Variants in PPP1R12B observed in about 807,000 individuals in gnomAD.
PPP1R12B encodes the protein protein phosphatase 1 regulatory subunit 12B.
PPP1R12B carries 76 observed loss-of-function variants against 126.1 expected under a neutral mutation model. That is an observed-to-expected ratio of 0.60 (90% confidence interval 0.50 to 0.73). The LOEUF is 0.73. Among genes scored for constraint, PPP1R12B ranks in the 30% least tolerant of loss-of-function variants. PPP1R12B has a pLI of 0.00. For synonymous variants in PPP1R12B, 356 were observed against 434.7 expected, an observed-to-expected ratio of 0.82 and a Z score of 2.25; for missense variants, 1,052 against 1,205.1, an observed-to-expected ratio of 0.87 and a Z score of 1.88.
At chr1:202,567,669 G>A (rs541319804) in intron 21 of PPP1R12B, 109 bp from the exon 22 acceptor site, 1 of 1,228,616 alleles carries the variant, frequency 8.1e-7, no homozygotes, top group South Asian at 1.3e-5. Context: ...GAAGTCCAAA[G>A]TTTTACTGTT....
intron 19 of PPP1R12B, among the ~76,000 whole-genome samples, chr1:202,560,713 A>G (rs1687427987): frequency 2.6e-5 from 4 of 152,208 alleles, no homozygotes; most frequent in Admixed American, 2.0e-4. Flanking sequence ...AATGCAGCCC[A>G]GTAGGTCTCA....
At chr1:202,412,501 A>G (rs1030259565) in intron 1 of PPP1R12B, among the ~76,000 whole-genome samples, 2 of 152,216 alleles carry the variant, frequency 1.3e-5, no homozygotes, top group African/African-American at 4.8e-5. Context: ...TTGTCTTTAA[A>G]GGCCAAAGAA....
rs752499809 is a variant in PPP1R12B, at chr1:202,588,837, A to AGAT, written c.*8278_*8280dup. 1.5e-5 allele frequency: 2 copies of AGAT among 136,358 alleles called. No homozygotes were observed. The highest frequency in any genetic ancestry group is 3.2e-5 in the African/African-American group (1 of 30,960). The allele number at this position is 136,358 out of a possible 1,614,324, so 8.4% of individuals were successfully genotyped here. On this transcript the variant is annotated 3_prime_UTR_variant, in exon 24 of 24. Coordinates refer to ENST00000608999, the MANE Select transcript of PPP1R12B (RefSeq NM_002481.4). Reference sequence around the variant, plus strand: ...CAAAAGAACCGTAAGATAGATAGATAGATAGATAGATAGATAGATAGATAG... The same window carrying AGAT: ...CAAAAGAACCGTAAGATAGATAGATAGATGATAGATAGATAGATAGATAGATAG...
intron 8 of PPP1R12B, 57 bp downstream of exon 8, chr1:202,431,676 C>G (rs1670201659): frequency 2.2e-5 from 33 of 1,501,900 alleles, no homozygotes; most frequent in Non-Finnish European, 2.9e-5. Flanking sequence ...AAGAAGATTA[C>G]TCCTTGTCAG....
In PPP1R12B at chr1:202,588,949, G is replaced by GTGTT. The variant is rs1351740689; in HGVS notation, c.*8390_*8393dup. Reference sequence around the variant, plus strand: ...AAGACACCAGGTTTAAGTGACAAAGGTGTTGAGGCCATCCAGGTGAACACT... The same window carrying GTGTT: ...AAGACACCAGGTTTAAGTGACAAAGGTGTTTGTTGAGGCCATCCAGGTGAACACT... On this transcript the variant is annotated 3_prime_UTR_variant, in exon 24 of 24. Transcript: ENST00000608999. The GTGTT allele has an allele frequency of 6.6e-6, 1 of 152,114 alleles. No homozygotes were observed. Among genetic ancestry groups the GTGTT allele is most frequent in the East Asian group, 1.9e-4 (1 of 5,194 alleles). The allele number at this position is 152,114 out of a possible 1,614,324, so 9.4% of individuals were successfully genotyped here. A position where few individuals can be genotyped will look rare whatever the true frequency, so the allele number is the denominator to read the frequency against.
At chr1:202,548,808 C>CTCTCTCTATATA (rs1218548068) in intron 18 of PPP1R12B, among the ~76,000 whole-genome samples, 18 of 72,962 alleles carry the variant, frequency 2.5e-4, no homozygotes, top group Non-Finnish European at 4.7e-4. Flanking sequence ...CTCTCTCTCT[C>CTCTCTCTATATA]TATATATATA....
intron 12 of PPP1R12B, among the ~76,000 whole-genome samples, chr1:202,444,859 T>A (rs1572055963): frequency 6.6e-6 from 1 of 152,232 alleles, no homozygotes; most frequent in Non-Finnish European, 1.5e-5. Flanking sequence ...TTCATTCTTT[T>A]GGATGATTGC....
In PPP1R12B at chr1:202,438,360, T is replaced by C. The variant is rs556635739; in HGVS notation, c.1458+336T>C. ...GGCACAGGACCCCAGGTAGGGGTCC[T>C]GGATCCAGAGGGCCAATTCCCGTCC... is the stretch of plus-strand genomic sequence containing the variant. On this transcript the variant is annotated intron_variant, in intron 10 of 23. Transcript: ENST00000608999. 2.0e-5 allele frequency: 19 copies of C among 930,198 alleles called. No homozygotes were observed. In the East Asian group the frequency reaches 5.9e-4, roughly 29 times the overall value. 57.6% of individuals were successfully genotyped at this position (930,198 alleles called of 1,614,324 possible).
At chr1:202,353,838 C>T (rs1417875763) in intron 1 of PPP1R12B, among the ~76,000 whole-genome samples, 2 of 151,994 alleles carry the variant, frequency 1.3e-5, no homozygotes, top group South Asian at 2.1e-4. Context: ...ATCTTGAACT[C>T]CTGGGCTAAA....
chr1:202,385,089 CA>C, intron 1 of PPP1R12B, among the ~76,000 whole-genome samples: 1 of 152,140 alleles, frequency 6.6e-6, no homozygotes, highest in East Asian at 1.9e-4. Flanking sequence ...TGATGAGCTG[CA>C]AAATATCAAG....
chr1:202,560,529 G>C (rs549692653), intron 19 of PPP1R12B, among the ~76,000 whole-genome samples: 16 of 152,186 alleles, frequency 1.1e-4, no homozygotes, highest in Non-Finnish European at 1.9e-4. Context: ...TTATGGTGTT[G>C]GTGGGAGTGT....
chr1:202,500,518 A>G (rs1160075699), intron 18 of PPP1R12B, among the ~76,000 whole-genome samples: 1 of 152,216 alleles, frequency 6.6e-6, no homozygotes, highest in African/African-American at 2.4e-5. Context: ...GTTCTCTCTC[A>G]TATGTAGGAT....
At chr1:202,449,273 AAT>A in intron 13 of PPP1R12B, 102 bp downstream of exon 13, 4 of 1,460,586 alleles carry the variant, frequency 2.7e-6, no homozygotes, top group African/African-American at 1.4e-5. Flanking sequence ...CGTTTATGAA[AAT>A]ATGTCTTTTT....
chr1:202,514,088 C>A lies in PPP1R12B; in HGVS notation c.2490+17266C>A, dbSNP rs576878557. On this transcript the variant is annotated intron_variant, in intron 18 of 23. Coordinates refer to ENST00000608999, the MANE Select transcript of PPP1R12B (RefSeq NM_002481.4). ...TTTGTTTTGTTTTGTTTTGTTTTTT[C>A]TTTTCTTTTCTTTTTTTAACTTTTT... Among the ~76,000 whole-genome samples the A allele has an allele frequency of 9.3e-5, 14 of 150,676 alleles. No individual in the cohort carries two copies. The East Asian group carries it at 2.7e-3, about 29-fold the overall frequency.
At chr1:202,557,563 A>G (rs1687084710) in intron 18 of PPP1R12B, among the ~76,000 whole-genome samples, 1 of 152,176 alleles carries the variant, frequency 6.6e-6, no homozygotes, top group Non-Finnish European at 1.5e-5. Context: ...CCCCCACCTC[A>G]AATGGGGGCA....
At chr1:202,354,918 C>T (rs991904793) in intron 1 of PPP1R12B, among the ~76,000 whole-genome samples, 2 of 151,768 alleles carry the variant, frequency 1.3e-5, no homozygotes, top group South Asian at 4.2e-4. Flanking sequence ...CTCTGCCTCC[C>T]GGGTTCACGC....
intron 18 of PPP1R12B, among the ~76,000 whole-genome samples, chr1:202,513,114 T>C (rs994486498): frequency 1.3e-5 from 2 of 152,142 alleles, no homozygotes; most frequent in African/African-American, 4.8e-5. Context: ...GCTGGGATTA[T>C]AGTCGTGAGC....
intron 13 of PPP1R12B, among the ~76,000 whole-genome samples, chr1:202,460,149 A>G (rs1258180823): frequency 1.3e-5 from 2 of 152,006 alleles, no homozygotes; most frequent in African/African-American, 2.4e-5. Context: ...CTCTCACCCA[A>G]CCCTGAATTT....
At chr1:202,434,619 TAC>T (rs763490717) in intron 8 of PPP1R12B, 35 bp from the exon 9 acceptor site, 2 of 1,589,328 alleles carry the variant, frequency 1.3e-6, no homozygotes, top group Admixed American at 3.9e-5. Flanking sequence ...AAGATTTTTA[TAC>T]TAGTACTTGT....
Sources: gnomAD v4.1 joint callset for allele counts (sites outside exome capture counted in the v4.1 genomes callset) on GRCh38, gnomAD v4.1.1 for gene constraint, MANE v1.5 for transcripts, NCBI Gene and HGNC (gene_info 2026-07-23, HGNC 2026-07-21) for gene names.